ENTR1: variants seen among roughly 807,000 people sequenced by gnomAD.
ENTR1 encodes endosome-associated-trafficking regulator 1.
Under a neutral mutation model 47.9 loss-of-function variants are expected in ENTR1, and 47 were observed. That is an observed-to-expected ratio of 0.98 (90% CI 0.78 to 1.25). The LOEUF (loss-of-function observed/expected upper bound fraction) is 1.25, where lower values mean the gene tolerates loss of function less well. Among genes scored for constraint, ENTR1 ranks in the 50% most tolerant of loss-of-function variants. The pLI is 0.00. For synonymous variants in ENTR1, 290 were observed against 245.8 expected, an observed-to-expected ratio of 1.18 and a Z score of -1.68; for missense variants, 668 against 570.5, an observed-to-expected ratio of 1.17 and a Z score of -1.74.
rs1269073033 is a variant in ENTR1, at chr9:136,409,024, T to C, written c.264A>G (p.Ser88=). 4 of 1,613,854 alleles carry C rather than the reference T, an allele frequency of 2.5e-6. No homozygotes were observed. Among genetic ancestry groups the C allele is most frequent in the African/African-American group, 1.3e-5 (1 of 74,928 alleles). Residue 88 remains serine (S), a synonymous_variant, in exon 3 of 10, where the codon TCA becomes TCG. Coordinates refer to ENST00000357365, the MANE Select transcript of ENTR1 (RefSeq NM_001039707.2). ...GKGKCSKQSP[S]GAHGTHFGDD... is the part of the protein sequence containing the mutation. ...CTCCAAAATGTGTCCCGTGGGCTCC[T>C]GACGGGCTCTGCTTAGAACATTTCC...
At chr9:136,403,315 G>A (rs1397319058) in intron 9 of ENTR1, among the ~76,000 whole-genome samples, 2 of 131,696 alleles carry the variant, frequency 1.5e-5, no homozygotes, top group Non-Finnish European at 3.3e-5. Context: ...AAGGGGTGGG[G>A]TTTGCCGGGG....
rs1353870892 is a variant in ENTR1, at chr9:136,405,765, G to A, written c.893+140C>T. 14 of 564,586 alleles carry A rather than the reference G, an allele frequency of 2.5e-5. No homozygotes were observed. The South Asian group carries it at 2.8e-4, about 11-fold the overall frequency. 35.0% of individuals were successfully genotyped at this position (564,586 alleles called of 1,614,324 possible). A position where few individuals can be genotyped will look rare whatever the true frequency, so the allele number is the denominator to read the frequency against. ...AAAATAAACTTTTAGGCAGAACACA[G>A]AAATGTGTTTGATGCTGAACATTTA... is the stretch of plus-strand genomic sequence containing the variant. On this transcript the variant is annotated intron_variant, in intron 6 of 9. Coordinates refer to ENST00000357365, the MANE Select transcript of ENTR1 (RefSeq NM_001039707.2).
chr9:136,409,406 C>A (rs989620636), intron 2 of ENTR1, among the ~76,000 whole-genome samples: 2 of 152,158 alleles, frequency 1.3e-5, no homozygotes, highest in African/African-American at 4.8e-5. Context: ...TGGTCTCAAT[C>A]TCCTGACCTC....
At chr9:136,408,512 A>C (rs1271792631) in intron 3 of ENTR1, among the ~76,000 whole-genome samples, 2 of 151,940 alleles carry the variant, frequency 1.3e-5, no homozygotes, top group African/African-American at 2.4e-5. Flanking sequence ...TGGGAGGTGG[A>C]GCTTGCAGTG....
In ENTR1 at chr9:136,407,417, C is replaced by T. The variant is rs752524562; in HGVS notation, c.547G>A (p.Gly183Arg). The T allele has an allele frequency of 1.1e-4, 181 of 1,609,478 alleles. No homozygotes were observed. Among genetic ancestry groups the T allele is most frequent in the Middle Eastern group, 4.3e-4 (2 of 4,672 alleles). ...GACGGCAGGTAGGCCCCACTCCATC[C>T]GGTGTCCTCATCCTCCTCCTCATCC... ...LLDEEEDEDT[G>R]WSGAYLPSAI... Residue 183 changes from glycine to arginine, a missense_variant, in exon 5 of 10, where the codon GGA becomes AGA. Coordinates refer to ENST00000357365, the MANE Select transcript of ENTR1 (RefSeq NM_001039707.2).
intron 3 of ENTR1, among the ~76,000 whole-genome samples, chr9:136,408,243 C>G (rs535093628): frequency 5.8e-4 from 89 of 152,288 alleles, no homozygotes; most frequent in African/African-American, 2.1e-3. Context: ...CTGCACACAC[C>G]CAGCTCCCTG....
chr9:136,402,974 AG>A lies in ENTR1; in HGVS notation c.1209-88del, dbSNP rs199779595. On this transcript the variant is annotated intron_variant, in intron 9 of 9. Transcript: ENST00000357365. ...GGGGGGAGAAAGGGGAGGGGTTGGTAGGGGGAAAAAGGGAGGGGTTCCAAGG... is the reference window on the plus strand; with the variant it reads ...GGGGGGAGAAAGGGGAGGGGTTGGTAGGGGAAAAAGGGAGGGGTTCCAAGG... The A allele has an allele frequency of 6.0e-3, 935 of 155,346 alleles. 17 individuals are homozygous for A. In the African/African-American group the frequency reaches 0.078, roughly 13 times the overall value. The allele number at this position is 155,346 out of a possible 1,614,324, so 9.6% of individuals were successfully genotyped here. A position where few individuals can be genotyped will look rare whatever the true frequency, so the allele number is the denominator to read the frequency against.
Position 136,402,686 on chromosome 9 carries a change from G to C in ENTR1, c.*102C>G. 1.3e-6 allele frequency: 1 copy of C among 777,292 alleles called. No individual in the cohort carries two copies. The highest frequency in any genetic ancestry group is 2.2e-6 in the Non-Finnish European group (1 of 461,208). The allele number at this position is 777,292 out of a possible 1,614,324, so 48.1% of individuals were successfully genotyped here. On this transcript the variant is annotated 3_prime_UTR_variant, in exon 10 of 10. Transcript: ENST00000357365. ...ACTCTTGCGATCAACACTTTACTCT[G>C]GGTGAAGACTGCATATTTAAGGACA...
At position 136,408,581 on chromosome 9, in the gene ENTR1, A is replaced by AAAC. The variant is rs372397539; in HGVS notation, c.289+415_289+417dup. Among the ~76,000 whole-genome samples the AAAC allele has an allele frequency of 1.5e-3, 233 of 152,126 alleles. 1 individual carries two copies. The highest frequency in any genetic ancestry group is 4.8e-3 in the East Asian group (25 of 5,162). On this transcript the variant is annotated intron_variant, in intron 3 of 9. Coordinates refer to ENST00000357365, the MANE Select transcript of ENTR1 (RefSeq NM_001039707.2). ...CGACAGAGCGAGACTCTGTCTCAAA[A>AAAC]AACAACAACAACAACCAGCTCCTCA...
chr9:136,407,847 C>A lies in ENTR1; in HGVS notation c.381G>T (p.Pro127=), dbSNP rs537523204. ...TTACCTTTGCATAAATTCTGCTGGC[C>A]GGATCCTCTTTCGAGAGGCCGAGGT... ...TKNLGLSKED[P]ASRIYAKEAS... The change falls in exon 4 of 10, where the codon CCG becomes CCT. Residue 127 remains proline, a synonymous_variant. Coordinates refer to ENST00000357365, the MANE Select transcript of ENTR1 (RefSeq NM_001039707.2). The A allele has an allele frequency of 1.2e-6, 2 of 1,612,354 alleles. No individual in the cohort carries two copies. The highest frequency in any genetic ancestry group is 2.2e-5 in the South Asian group (2 of 91,068).
chr9:136,410,041 T>C, intron 2 of ENTR1, 49 bp downstream of exon 2: 1 of 1,608,268 alleles, frequency 6.2e-7, no homozygotes, highest in Non-Finnish European at 8.5e-7. Context: ...GTGCCACACG[T>C]GGCGCGGGAA....
At chr9:136,409,995 T>C in intron 2 of ENTR1, 95 bp downstream of exon 2, 1 of 1,457,502 alleles carries the variant, frequency 6.9e-7, no homozygotes, top group South Asian at 1.2e-5. Flanking sequence ...CTCTGCACAT[T>C]GATGGGTCAA....
At chr9:136,405,022 G>A (rs1210015314) in intron 7 of ENTR1, 69 bp downstream of exon 7, 1 of 1,242,288 alleles carries the variant, frequency 8.0e-7, no homozygotes, top group African/African-American at 1.5e-5. Context: ...GGCTGCTGAG[G>A]ACAACAGCAC....
chr9:136,402,836 T>C lies in ENTR1; in HGVS notation c.1260A>G (p.Lys420=), dbSNP rs1834549498. ...TAACTTCAGAAATTCTGTCTATAGA[T>C]TTAAGGATTTCGGCAACAAGATTCA... The part of the protein sequence containing the change: ...ETLNLVAEIL[K]SIDRISEVKD... Residue 420 remains lysine, a synonymous_variant, in exon 10 of 10, where the codon AAA becomes AAG. Transcript: ENST00000357365. 2 of 1,612,994 alleles carry C rather than the reference T, an allele frequency of 1.2e-6. No homozygotes were observed. The highest frequency in any genetic ancestry group is 1.7e-6 in the Non-Finnish European group (2 of 1,179,820).
rs1262233505 is a variant in ENTR1, at chr9:136,405,939, C to T, written c.859G>A (p.Glu287Lys). ...TGAGCTTCAGAGAAGCTCTGAACCTCATTCAGCTTTCTTCTCAGCTTAGAA... is the reference window on the plus strand; with the variant it reads ...TGAGCTTCAGAGAAGCTCTGAACCTTATTCAGCTTTCTTCTCAGCTTAGAA... ...ENSKLRRKLN[E>K]VQSFSEAQTE... Residue 287 changes from glutamate to lysine, a missense_variant, in exon 6 of 10, where the codon GAG (glutamate) becomes AAG (lysine). Transcript: ENST00000357365. 1.2e-6 allele frequency: 2 copies of T among 1,608,020 alleles called. No homozygotes were observed. Among genetic ancestry groups the T allele is most frequent in the African/African-American group, 1.3e-5 (1 of 74,796 alleles).
Position 136,410,517 on chromosome 9 carries a change from G to A in ENTR1, c.-120C>T. 9.9e-7 allele frequency: 1 copy of A among 1,005,128 alleles called. No homozygotes were observed. The highest frequency in any genetic ancestry group is 1.2e-6 in the Non-Finnish European group (1 of 813,356). 62.3% of individuals were successfully genotyped at this position (1,005,128 alleles called of 1,614,324 possible). A position where few individuals can be genotyped will look rare whatever the true frequency, so the allele number is the denominator to read the frequency against. On this transcript the variant is annotated 5_prime_UTR_variant, in exon 1 of 10. Transcript: ENST00000357365. ...CCGTCGCCCGCCCCCGTCGCCCGCC[G>A]CTCGGCCGCCCCCGCGCCTCCGAGC...
At chr9:136,407,017 T>C in intron 5 of ENTR1, 128 bp downstream of exon 5, 2 of 870,330 alleles carry the variant, frequency 2.3e-6, no homozygotes, top group Admixed American at 2.9e-5. Flanking sequence ...GATAGCAGGC[T>C]GTCACGCAAA....
At chr9:136,403,358 G>GGGGC (rs1834592222) in intron 9 of ENTR1, among the ~76,000 whole-genome samples, 1 of 104,174 alleles carries the variant, frequency 9.6e-6, no homozygotes, top group East Asian at 2.5e-4. Context: ...GGAGCAAGGG[G>GGGGC]TGGGGTTTGC....
At chr9:136,407,757 C>A in intron 4 of ENTR1, 69 bp downstream of exon 4, 1 of 1,419,152 alleles carries the variant, frequency 7.0e-7, no homozygotes, top group South Asian at 1.2e-5. Flanking sequence ...ACGATTCCTC[C>A]AAAGGAGGCT....
Sources: allele counts gnomAD v4.1 joint callset (sites outside exome capture counted in the v4.1 genomes callset), GRCh38; gene constraint gnomAD v4.1.1; transcripts MANE v1.5; gene names NCBI Gene and HGNC (gene_info 2026-07-23, HGNC 2026-07-21).